The following MRPS15 variants were observed in gnomAD, a reference collection of about 807,000 sequenced individuals.
MRPS15 encodes small ribosomal subunit protein uS15m.
MRPS15 carries 25 observed loss-of-function variants against 30.7 expected under a neutral mutation model. That is an observed-to-expected ratio of 0.81 (90% CI 0.59 to 1.14). MRPS15 has a LOEUF of 1.14. Among genes scored for constraint, MRPS15 ranks in the 50% most tolerant of loss-of-function variants. The pLI is 0.00. For missense variants in MRPS15, 313 were observed against 321.7 expected (o/e 0.97, Z 0.21); for synonymous variants, 124 against 120.1 (o/e 1.03, Z -0.21).
intron 5 of MRPS15, among the ~76,000 whole-genome samples, chr1:36,460,285 C>T (rs953544206): frequency 1.3e-5 from 2 of 152,172 alleles, no homozygotes; most frequent in East Asian, 1.9e-4. Context: ...GGATTACAGG[C>T]GTGAGCCACC....
At chr1:36,456,007 TC>T in intron 7 of MRPS15, 82 bp from the exon 8 acceptor site, 1 of 1,552,886 alleles carries the variant, frequency 6.4e-7, no homozygotes, top group Admixed American at 2.0e-5. Flanking sequence ...GGGAACTATT[TC>T]CCCCAGATGG....
At chr1:36,461,338 C>CA in intron 3 of MRPS15, 26 bp from the exon 4 acceptor site, 5 of 1,608,788 alleles carry the variant, frequency 3.1e-6, no homozygotes, top group Non-Finnish European at 4.3e-6. Flanking sequence ...AGCAATGAGA[C>CA]AGACATTGGG....
In MRPS15 at chr1:36,461,988, C is replaced by T. The variant is rs1260532652; in HGVS notation, c.251+100G>A. On this transcript the variant is annotated intron_variant, in intron 3 of 7. Transcript: ENST00000373116. ...CCCTGCCTCCTTCTAGATCAAGCTT[C>T]AGCTACAGCAAGCCAAGTCTCAAAG... 8 of 1,040,994 alleles carry T rather than the reference C, an allele frequency of 7.7e-6. No homozygotes were observed. The Admixed American group carries it at 1.6e-4, about 21-fold the overall frequency. 64.5% of individuals were successfully genotyped at this position (1,040,994 alleles called of 1,614,324 possible). A position where few individuals can be genotyped will look rare whatever the true frequency, so the allele number is the denominator to read the frequency against.
rs2124082042 is a variant in MRPS15 at position 36,460,780 on chromosome 1, T to C, written c.301-4A>G. On this transcript the variant is annotated splice_region_variant and splice_polypyrimidine_tract_variant and intron_variant, in intron 4 of 7. Coordinates refer to ENST00000373116, the MANE Select transcript of MRPS15 (RefSeq NM_031280.4). ...GCTTGATTTTTAGCATCTCCTTCTG[T>C]TGAAGACAGAGACAGAGAAAATCTG... The C allele has an allele frequency of 6.2e-7, 1 of 1,613,274 alleles. No homozygotes were observed. Among genetic ancestry groups the C allele is most frequent in the Non-Finnish European group, 8.5e-7 (1 of 1,179,246 alleles).
Position 36,458,407 on chromosome 1 carries a change from TTAG to T in MRPS15, c.386-429_386-427del, listed in dbSNP as rs1650036547. On this transcript the variant is annotated intron_variant, in intron 5 of 7. Coordinates refer to ENST00000373116, the MANE Select transcript of MRPS15 (RefSeq NM_031280.4). The surrounding 1 kb of genome is among the most constrained non-coding windows in gnomAD (Gnocchi z 4.5). ...CCACACACGGCTAATTTTTCTATTT[TTAG>T]TAGAGACGGGGTTTCACCATGTTGG... is the stretch of plus-strand genomic sequence containing the variant. 1 of 159,258 alleles carries T rather than the reference TTAG, an allele frequency of 6.3e-6. No homozygotes were observed. The highest frequency in any genetic ancestry group is 2.4e-5 in the African/African-American group (1 of 41,532). The allele number at this position is 159,258 out of a possible 1,614,324, so 9.9% of individuals were successfully genotyped here.
chr1:36,459,406 A>G (rs1187064829), intron 5 of MRPS15: 1 of 151,710 alleles, frequency 6.6e-6, no homozygotes, highest in Non-Finnish European at 1.5e-5. Flanking sequence ...GTCTCAAAAA[A>G]AAAAAAAAAA....
chr1:36,463,898 C>T (rs1389613477), intron 1 of MRPS15, 48 bp from the exon 2 acceptor site: 1 of 1,583,386 alleles, frequency 6.3e-7, no homozygotes, highest in Non-Finnish European at 8.6e-7. Flanking sequence ...AATAGCCCAC[C>T]CCTCAGTTCC....
rs1650114101 is a variant in MRPS15, at chr1:36,462,288, C to A, written c.176-125G>T. On this transcript the variant is annotated intron_variant, in intron 2 of 7. Coordinates refer to ENST00000373116, the MANE Select transcript of MRPS15 (RefSeq NM_031280.4). ...GACATTCAGGGTCTCAAGCAAAGCA[C>A]TGGATATCTCTCGGCTCAGTTTCTC... The A allele has an allele frequency of 4.7e-6, 3 of 644,108 alleles. No homozygotes were observed. In the South Asian group the frequency reaches 6.0e-5, roughly 13 times the overall value. 39.9% of individuals were successfully genotyped at this position (644,108 alleles called of 1,614,324 possible).
intron 3 of MRPS15, among the ~76,000 whole-genome samples, 158 bp from the exon 4 acceptor site, chr1:36,461,470 G>A (rs1650097810): frequency 6.6e-6 from 1 of 152,250 alleles, no homozygotes; most frequent in African/African-American, 2.4e-5. Context: ...GGGATTAAAA[G>A]TCAGTGTGGA....
At chr1:36,461,219 G>C in intron 4 of MRPS15, 45 bp downstream of exon 4, 1 of 1,599,066 alleles carries the variant, frequency 6.3e-7, no homozygotes, top group Non-Finnish European at 8.6e-7. Flanking sequence ...GGGAGTCCCA[G>C]AGGAGAAGAC....
chr1:36,461,513 G>C (rs1266206344), intron 3 of MRPS15, among the ~76,000 whole-genome samples: 1 of 152,200 alleles, frequency 6.6e-6, no homozygotes, highest in Non-Finnish European at 1.5e-5. Flanking sequence ...ACAGAAACTG[G>C]GGCTGTCAGC....
Position 36,458,195 on chromosome 1 carries a change from A to G in MRPS15, c.386-214T>C. 2.0e-6 allele frequency: 1 copy of G among 511,976 alleles called. No individual in the cohort carries two copies. The highest frequency in any genetic ancestry group is 3.5e-6 in the Non-Finnish European group (1 of 284,420). The allele number at this position is 511,976 out of a possible 1,614,324, so 31.7% of individuals were successfully genotyped here. On this transcript the variant is annotated intron_variant, in intron 5 of 7. Transcript: ENST00000373116. This position sits in a 1 kb window ranked among gnomAD's most constrained non-coding sequence, Gnocchi z 4.5. ...AAAATCCAAGGAAGGGACATCCCTT[A>G]ATATTATAAAGATATCATCCAAAAA...
Position 36,461,289 on chromosome 1 carries a change from A to G in MRPS15, c.275T>C (p.Leu92Pro). The G allele has an allele frequency of 6.2e-7, 1 of 1,614,232 alleles. No homozygotes were observed. Among genetic ancestry groups the G allele is most frequent in the Non-Finnish European group, 8.5e-7 (1 of 1,180,034 alleles). Reference sequence around the variant, plus strand: ...CTTGTTGGCCATTTCCAAAGACAAGAGTCTTTTCACGACATCATCAACCCT... The same window carrying G: ...CTTGTTGGCCATTTCCAAAGACAAGGGTCTTTTCACGACATCATCAACCCT... ...IEKVDDVVKR[L>P]LSLEMANKKE... Residue 92 changes from leucine to proline, a missense_variant, in exon 4 of 8, where the codon CTC becomes CCC. Physicochemically the swap from Leu to Pro is moderately conservative, Grantham distance 98. Coordinates refer to ENST00000373116, the MANE Select transcript of MRPS15 (RefSeq NM_031280.4).
intron 5 of MRPS15, among the ~76,000 whole-genome samples, chr1:36,460,041 C>T (rs189082007): frequency 5.9e-5 from 9 of 152,312 alleles, no homozygotes; most frequent in East Asian, 5.8e-4. Context: ...GACGGAGTCT[C>T]GCTCTGTTGC....
rs1650093175 is a variant in MRPS15 at position 36,461,275 on chromosome 1, T to A, written c.289A>T (p.Met97Leu). The A allele has an allele frequency of 1.9e-6, 3 of 1,614,186 alleles. No individual in the cohort carries two copies. The highest frequency in any genetic ancestry group is 2.7e-5 in the African/African-American group (2 of 75,042). ...DVVKRLLSLEMANKKEMLKIK... is the reference protein window; with the variant it reads ...DVVKRLLSLELANKKEMLKIK... ...CAGAGGCTGCTCACCTTGTTGGCCA[T>A]TTCCAAAGACAAGAGTCTTTTCACG... is the stretch of plus-strand genomic sequence containing the variant. The change falls in exon 4 of 8, where the codon ATG becomes TTG. Residue 97 changes from methionine (M) to leucine (L), a missense_variant. Met to Leu is a conservative substitution (Grantham distance 15). Coordinates refer to ENST00000373116, the MANE Select transcript of MRPS15 (RefSeq NM_031280.4).
chr1:36,456,247 G>A lies in MRPS15; in HGVS notation c.576C>T (p.Pro192=), dbSNP rs190851583. ...CWGLGIEYTF[P]PLYYRRAHRR... ...GGTGGGCTCTTCGGTAATACAGAGG[G>A]GGGAAGGTGTACTCAATTCCCAGCC... The change falls in exon 7 of 8, where the codon CCC becomes CCT. Residue 192 remains proline (P), a synonymous_variant. Transcript: ENST00000373116. The A allele has an allele frequency of 3.2e-5, 52 of 1,614,090 alleles. No homozygotes were observed. The East Asian group carries it at 1.0e-3, about 31-fold the overall frequency.
At chr1:36,460,143 G>C (rs1048246473) in intron 5 of MRPS15, among the ~76,000 whole-genome samples, 1 of 152,172 alleles carries the variant, frequency 6.6e-6, no homozygotes, top group Non-Finnish European at 1.5e-5. Context: ...CAGTAGCTAG[G>C]ACTACAGGCG....
intron 6 of MRPS15, 95 bp downstream of exon 6, chr1:36,457,828 T>A: frequency 2.4e-6 from 3 of 1,248,548 alleles, no homozygotes; most frequent in Non-Finnish European, 3.5e-6. Context: ...TTCAGTGGCT[T>A]CTAAGCCTCC....
intron 1 of MRPS15, 108 bp downstream of exon 1, chr1:36,464,038 C>G (rs1650155084): frequency 8.4e-6 from 13 of 1,540,126 alleles, no homozygotes; most frequent in Non-Finnish European, 1.1e-5. Flanking sequence ...CGCCCTTTCC[C>G]CCTTATCCTG....
Sources: gnomAD v4.1 joint callset for allele counts (sites outside exome capture counted in the v4.1 genomes callset) on GRCh38, gnomAD v4.1.1 for gene constraint, Gnocchi (gnomAD v3.1) non-coding constraint, MANE v1.5 for transcripts, NCBI Gene and HGNC (gene_info 2026-07-23, HGNC 2026-07-21) for gene names.